The following EXT1 variants were observed in gnomAD, a reference collection of about 807,000 sequenced individuals.
EXT1 encodes exostosin glycosyltransferase 1, also known as exostosin-1.
In EXT1, 20 loss-of-function variants were observed where a neutral mutation model predicts 82.5. That is an observed-to-expected ratio of 0.24 (90% CI 0.17 to 0.35). The LOEUF is 0.35. EXT1 is among the 10% of genes least tolerant of loss of function. The pLI is 1.00. For synonymous variants in EXT1, 348 were observed against 350.8 expected (o/e 0.99, Z 0.09); for missense variants, 757 against 936.5 (o/e 0.81, Z 2.50).
intron 1 of EXT1, among the ~76,000 whole-genome samples, chr8:118,026,852 T>C (rs1386634730): frequency 1.3e-5 from 2 of 152,238 alleles, no homozygotes; most frequent in Non-Finnish European, 2.9e-5. Flanking sequence ...GTCCATAAGA[T>C]GGTCCATTTG....
chr8:118,079,225 T>G (rs576531547), intron 1 of EXT1, among the ~76,000 whole-genome samples: 6 of 152,302 alleles, frequency 3.9e-5, no homozygotes, highest in African/African-American at 1.4e-4. Flanking sequence ...TTAAGGAAAT[T>G]TGATCTCCTT....
chr8:117,884,578 G>T (rs371316493), intron 1 of EXT1, among the ~76,000 whole-genome samples: 7 of 152,124 alleles, frequency 4.6e-5, no homozygotes, highest in Non-Finnish European at 8.8e-5. Context: ...TCAAATTACC[G>T]TTGTATCATT....
chr8:117,806,530 G>C (rs570037609), intron 9 of EXT1, among the ~76,000 whole-genome samples: 1 of 152,246 alleles, frequency 6.6e-6, no homozygotes, highest in African/African-American at 2.4e-5. Flanking sequence ...CTGACTTCCT[G>C]TCACCCATTC....
At chr8:117,901,674 T>C (rs931985682) in intron 1 of EXT1, among the ~76,000 whole-genome samples, 1 of 152,188 alleles carries the variant, frequency 6.6e-6, no homozygotes, top group Non-Finnish European at 1.5e-5. Flanking sequence ...TGTATATAGC[T>C]TTACAAAAAT....
chr8:117,838,837 C>T (rs1034734132), intron 1 of EXT1, among the ~76,000 whole-genome samples: 3 of 151,810 alleles, frequency 2.0e-5, no homozygotes, highest in Non-Finnish European at 4.4e-5. Context: ...TTTTTTAATA[C>T]AGAAAGGTCG....
intron 1 of EXT1, among the ~76,000 whole-genome samples, chr8:117,990,971 G>A (rs989014274): frequency 7.2e-5 from 11 of 152,090 alleles, no homozygotes; most frequent in Non-Finnish European, 1.0e-4. Flanking sequence ...TCTAATCTTC[G>A]TACCAACCAT....
In EXT1 at chr8:117,827,784, C is replaced by CAAAAAAAAAAAAAAAAAA. The variant is rs768731740; in HGVS notation, c.1284+2428_1284+2445dup. ...TGGGGGACAGGGTGAGACTCTGTCT[C>CAAAAAAAAAAAAAAAAAA]AAAAAAAAAAAAAAAAAAAAAAAAA... On this transcript the variant is annotated intron_variant, in intron 4 of 10. Transcript: ENST00000378204. Among the ~76,000 whole-genome samples, 31 of 54,140 alleles carry CAAAAAAAAAAAAAAAAAA rather than the reference C, an allele frequency of 5.7e-4. 5 individuals carry two copies. The highest frequency in any genetic ancestry group is 2.4e-3 in the African/African-American group (30 of 12,558). 35.5% of individuals were successfully genotyped at this position (54,140 alleles called of 152,430 possible). A position where few individuals can be genotyped will look rare whatever the true frequency, so the allele number is the denominator to read the frequency against.
chr8:117,830,429 AGGC>A, intron 3 of EXT1, 80 bp from the exon 4 acceptor site: 14 of 1,529,098 alleles, frequency 9.2e-6, no homozygotes, highest in South Asian at 1.2e-5. Flanking sequence ...CAACTGGGTT[AGGC>A]TTTTATTCTT....
At chr8:118,071,695 T>C (rs1381432930) in intron 1 of EXT1, among the ~76,000 whole-genome samples, 2 of 152,158 alleles carry the variant, frequency 1.3e-5, no homozygotes, top group Admixed American at 6.6e-5. Context: ...TCTACAAATA[T>C]CTCACAAGAA....
chr8:117,945,086 CG>C (rs1244238191), intron 1 of EXT1, among the ~76,000 whole-genome samples: 1 of 152,154 alleles, frequency 6.6e-6, no homozygotes, highest in African/African-American at 2.4e-5. Flanking sequence ...GGCGTGAACC[CG>C]GGAAGTGGAG....
chr8:117,871,609 G>T (rs560960054), intron 1 of EXT1, among the ~76,000 whole-genome samples: 1 of 152,342 alleles, frequency 6.6e-6, no homozygotes, highest in Non-Finnish European at 1.5e-5. Flanking sequence ...CCCAATGCAA[G>T]AACGGCTAGG....
intron 1 of EXT1, among the ~76,000 whole-genome samples, chr8:117,856,105 G>A (rs1249774857): frequency 6.6e-6 from 1 of 152,188 alleles, no homozygotes; most frequent in African/African-American, 2.4e-5. Context: ...GTTCTTGAAG[G>A]AAGTTAAAAG....
chr8:118,065,754 T>C (rs866526026), intron 1 of EXT1, among the ~76,000 whole-genome samples: 4 of 152,328 alleles, frequency 2.6e-5, no homozygotes, highest in African/African-American at 9.6e-5. Context: ...TCAAGCATAT[T>C]TGTGTATTGG....
intron 1 of EXT1, among the ~76,000 whole-genome samples, chr8:117,906,485 TGCC>T (rs1292011479): frequency 6.6e-6 from 1 of 152,194 alleles, no homozygotes; most frequent in Non-Finnish European, 1.5e-5. Context: ...CAATCTAAGT[TGCC>T]ATCAGTTGAA....
chr8:117,813,092 A>G (rs1266362737), intron 7 of EXT1, 131 bp from the exon 8 acceptor site: 4 of 737,062 alleles, frequency 5.4e-6, no homozygotes, highest in Non-Finnish European at 7.3e-6. Flanking sequence ...ACCCCTCAAC[A>G]CCGAAGGAAT....
chr8:118,087,051 G>A (rs1296680729), intron 1 of EXT1, among the ~76,000 whole-genome samples: 1 of 152,188 alleles, frequency 6.6e-6, no homozygotes, highest in Non-Finnish European at 1.5e-5. Flanking sequence ...TTGCAGCAAT[G>A]GACACACAAC....
intron 1 of EXT1, among the ~76,000 whole-genome samples, chr8:117,939,053 T>C (rs958519103): frequency 2.9e-4 from 44 of 151,700 alleles, no homozygotes; most frequent in African/African-American, 7.7e-4. Context: ...TGTTTTTTTT[T>C]CCCCCCAATG....
At chr8:118,054,733 G>A (rs1816768135) in intron 1 of EXT1, among the ~76,000 whole-genome samples, 1 of 152,008 alleles carries the variant, frequency 6.6e-6, no homozygotes, top group African/African-American at 2.4e-5. Flanking sequence ...TTTCCAAATG[G>A]GTCCCACTAC....
chr8:118,062,936 A>C (rs1319899273), intron 1 of EXT1, among the ~76,000 whole-genome samples: 1 of 152,220 alleles, frequency 6.6e-6, no homozygotes, highest in Non-Finnish European at 1.5e-5. Context: ...GTCACTATAA[A>C]TTCCTAAACT....
Sources: allele counts gnomAD v4.1 joint callset (sites outside exome capture counted in the v4.1 genomes callset), GRCh38; gene constraint gnomAD v4.1.1; transcripts MANE v1.5; gene names NCBI Gene and HGNC (gene_info 2026-07-23, HGNC 2026-07-21).